Variants in SIPA1L1 observed in about 807,000 individuals in gnomAD.
The protein encoded by SIPA1L1 is signal induced proliferation associated 1 like 1, also known as signal-induced proliferation-associated 1-like protein 1.
A neutral mutation model predicts 162.7 loss-of-function variants in SIPA1L1; 26 were observed. The observed-to-expected ratio is 0.16, with a 90% CI of 0.12 to 0.22. The LOEUF (loss-of-function observed/expected upper bound fraction) is 0.22, where lower values mean the gene tolerates loss of function less well. Among genes scored for constraint, SIPA1L1 ranks in the 10% least tolerant of loss-of-function variants. The pLI, the probability that SIPA1L1 is intolerant of heterozygous loss-of-function variation, is 1.00. For missense variants in SIPA1L1, 1,874 were observed against 2,241.0 expected (o/e 0.84, Z 3.31); for synonymous variants, 829 against 837.4 (o/e 0.99, Z 0.17).
intron 2 of SIPA1L1, among the ~76,000 whole-genome samples, chr14:71,506,143 G>C (rs1335223056): frequency 6.6e-6 from 1 of 151,968 alleles, no homozygotes; most frequent in East Asian, 1.9e-4. Flanking sequence ...AAAAATTATA[G>C]GTTATAGTTT....
At chr14:71,633,977 C>T (rs1244934086) in intron 7 of SIPA1L1, among the ~76,000 whole-genome samples, 1 of 151,620 alleles carries the variant, frequency 6.6e-6, no homozygotes, top group Non-Finnish European at 1.5e-5. Flanking sequence ...ATGACAGAAA[C>T]TGAGCAAATC....
At chr14:71,346,695 T>C (rs570751851) in intron 2 of SIPA1L1, among the ~76,000 whole-genome samples, 2 of 152,370 alleles carry the variant, frequency 1.3e-5, no homozygotes, top group Non-Finnish European at 2.9e-5. Context: ...AAAAAGATTA[T>C]TGAGATATAA....
chr14:71,690,290 C>T (rs1234875725), intron 13 of SIPA1L1, among the ~76,000 whole-genome samples: 1 of 151,802 alleles, frequency 6.6e-6, no homozygotes, highest in Non-Finnish European at 1.5e-5. Flanking sequence ...CTCACTCTGT[C>T]GCAGTGGCAT....
intron 14 of SIPA1L1, among the ~76,000 whole-genome samples, chr14:71,701,337 C>G (rs1482126576): frequency 6.6e-6 from 1 of 151,920 alleles, no homozygotes; most frequent in Non-Finnish European, 1.5e-5. Context: ...CCTCCCACCT[C>G]AGCCTCCTGA....
At chr14:71,672,726 A>G in intron 12 of SIPA1L1, 104 bp downstream of exon 12, 2 of 1,221,126 alleles carry the variant, frequency 1.6e-6, no homozygotes, top group South Asian at 1.5e-5. Flanking sequence ...TGTGAAGAAC[A>G]ATAGGTTACA....
rs77505495 is a variant in SIPA1L1 at position 71,438,693 on chromosome 14, C to G, written c.-464-74050C>G. ...TAGAAAAAAATCCTCTTGCCTGTCTCCACATCAGGTTGAAGGGGAAGAGGA... is the reference window on the plus strand; with the variant it reads ...TAGAAAAAAATCCTCTTGCCTGTCTGCACATCAGGTTGAAGGGGAAGAGGA... On this transcript the variant is annotated intron_variant, in intron 2 of 23. Transcript: ENST00000381232. 2.8e-3 allele frequency among the ~76,000 whole-genome samples: 411 copies of G among 148,252 alleles called. 2 individuals are homozygous for G. Among genetic ancestry groups the G allele is most frequent in the Non-Finnish European group, 4.0e-3 (271 of 67,400 alleles).
intron 2 of SIPA1L1, among the ~76,000 whole-genome samples, chr14:71,367,393 G>A (rs552746671): frequency 8.5e-4 from 125 of 146,680 alleles, no homozygotes; most frequent in Middle Eastern, 3.6e-3. Context: ...TGTAAACTCC[G>A]CCTCCCGGGT....
rs577707419 is a variant in SIPA1L1 at position 71,443,453 on chromosome 14, T to A, written c.-464-69290T>A. On this transcript the variant is annotated intron_variant, in intron 2 of 23. Transcript: ENST00000381232. ...TTGTATTTATAGTTCCTTGTAATCC[T>A]TTTTATGGGCTTTTGAATAAATATA... Among the ~76,000 whole-genome samples the A allele has an allele frequency of 3.9e-5, 6 of 152,342 alleles. No homozygotes were observed. In the East Asian group the frequency reaches 1.2e-3, roughly 29 times the overall value.
chr14:71,733,899 C>T, intron 21 of SIPA1L1, 87 bp downstream of exon 21: 1 of 1,388,722 alleles, frequency 7.2e-7, no homozygotes, highest in South Asian at 1.4e-5. Context: ...TGGACACACT[C>T]AAAACATATG....
In SIPA1L1 at chr14:71,413,554, A is replaced by G. The variant is rs926867600; in HGVS notation, c.-465+92373A>G. ...GGAGTTCAAGATTAGCCTGGCCAAC[A>G]TGGTGAAACCCCGTCTCTGCTAAAA... On this transcript the variant is annotated intron_variant, in intron 2 of 23. Transcript: ENST00000381232. Among the ~76,000 whole-genome samples the G allele has an allele frequency of 6.6e-5, 10 of 152,294 alleles. No individual in the cohort carries two copies. The East Asian group carries it at 1.7e-3, about 26-fold the overall frequency.
intron 2 of SIPA1L1, among the ~76,000 whole-genome samples, chr14:71,374,504 A>T (rs2039190352): frequency 6.6e-6 from 1 of 151,836 alleles, no homozygotes; most frequent in African/African-American, 2.4e-5. Context: ...AGAAACTGAC[A>T]GTGTGGTATG....
chr14:71,434,835 C>T (rs1048245779), intron 2 of SIPA1L1, among the ~76,000 whole-genome samples: 2 of 152,202 alleles, frequency 1.3e-5, no homozygotes, highest in Non-Finnish European at 2.9e-5. Flanking sequence ...CCCACCTTGG[C>T]CTCCCAAAGT....
At chr14:71,694,346 T>G (rs1051035366) in intron 13 of SIPA1L1, among the ~76,000 whole-genome samples, 2 of 152,148 alleles carry the variant, frequency 1.3e-5, no homozygotes, top group African/African-American at 4.8e-5. Flanking sequence ...TCCAACCCCT[T>G]CAACTCTCTG....
At chr14:71,398,733 A>G (rs1254240457) in intron 2 of SIPA1L1, among the ~76,000 whole-genome samples, 4 of 152,166 alleles carry the variant, frequency 2.6e-5, no homozygotes, top group Non-Finnish European at 5.9e-5. Flanking sequence ...GACACCAGAT[A>G]GATAGTAAGG....
chr14:71,574,659 CTAGT>C lies in SIPA1L1; in HGVS notation c.-302-12908_-302-12905del, dbSNP rs2032689307. 2.6e-5 allele frequency: 4 copies of C among 151,930 alleles called. No individual in the cohort carries two copies. In the South Asian group the frequency reaches 6.2e-4, roughly 24 times the overall value. 9.4% of individuals were successfully genotyped at this position (151,930 alleles called of 1,614,324 possible). On this transcript the variant is annotated intron_variant, in intron 4 of 23. Coordinates refer to ENST00000381232, the MANE Select transcript of SIPA1L1 (RefSeq NM_001386936.1). ...TATGTTTTAAGATCAAACTTACATT[CTAGT>C]TAGAGGATTTATTTTACTTTGTCAC...
chr14:71,439,396 T>C (rs1359702278), intron 2 of SIPA1L1, among the ~76,000 whole-genome samples: 1 of 152,182 alleles, frequency 6.6e-6, no homozygotes, highest in Admixed American at 6.5e-5. Context: ...AATTTAATGA[T>C]TCTGAAATGT....
intron 2 of SIPA1L1, among the ~76,000 whole-genome samples, chr14:71,363,303 T>G (rs1375326431): frequency 6.6e-6 from 1 of 152,208 alleles, no homozygotes; most frequent in Non-Finnish European, 1.5e-5. Flanking sequence ...TGAAATAATT[T>G]GGAATTTACA....
At chr14:71,447,202 C>T (rs2045474232) in intron 2 of SIPA1L1, among the ~76,000 whole-genome samples, 1 of 151,874 alleles carries the variant, frequency 6.6e-6, no homozygotes, top group African/African-American at 2.4e-5. Flanking sequence ...GCATGAGCCA[C>T]CACGCTTATC....
chr14:71,613,500 C>A (rs1196405855), intron 5 of SIPA1L1, among the ~76,000 whole-genome samples: 1 of 151,776 alleles, frequency 6.6e-6, no homozygotes, highest in Non-Finnish European at 1.5e-5. Context: ...CTAAAATATT[C>A]TAATTTCTGG....
Sources: allele counts gnomAD v4.1 joint callset (sites outside exome capture counted in the v4.1 genomes callset), GRCh38; gene constraint gnomAD v4.1.1; transcripts MANE v1.5; gene names NCBI Gene and HGNC (gene_info 2026-07-23, HGNC 2026-07-21).